UBR4: variants seen among roughly 807,000 people sequenced by gnomAD.
UBR4 encodes ubiquitin protein ligase E3 component n-recognin 4, also known as E3 ubiquitin-protein ligase UBR4.
In UBR4, 124 loss-of-function variants were observed where a neutral mutation model predicts 575.6. The observed-to-expected ratio is 0.22, with a 90% CI of 0.19 to 0.25. The LOEUF (loss-of-function observed/expected upper bound fraction) is 0.25. UBR4 is among the 10% of genes least tolerant of loss of function. UBR4 has a pLI of 1.00. For missense variants in UBR4, 4,818 were observed against 6,478.8 expected, an observed-to-expected ratio of 0.74 and a Z score of 8.80; for synonymous variants, 2,455 against 2,473.7, an observed-to-expected ratio of 0.99 and a Z score of 0.22.
At position 19,126,724 on chromosome 1, in the gene UBR4, G is replaced by T. The variant is rs114659186; in HGVS notation, c.9229-69C>A. The stretch of plus-strand genomic sequence containing the variant: ...AAAACAATGTGAAATCCAGGTGGGT[G>T]TTGGGGATGGGAAACACACTCACAA... On this transcript the variant is annotated intron_variant, in intron 63 of 105. Coordinates refer to ENST00000375254, the MANE Select transcript of UBR4 (RefSeq NM_020765.3). The T allele has an allele frequency of 8.7e-3, 13,245 of 1,528,746 alleles. 377 individuals are homozygous for T. The highest frequency in any genetic ancestry group is 0.078 in the East Asian group (3,444 of 44,128). The allele number at this position is 1,528,746 out of a possible 1,614,324, so 94.7% of individuals were successfully genotyped here.
At chr1:19,112,988 A>C (rs2080068449) in intron 77 of UBR4, 121 bp from the exon 78 acceptor site, 4 of 1,018,496 alleles carry the variant, frequency 3.9e-6, no homozygotes, top group Non-Finnish European at 5.6e-6. Context: ...TAATCTTCTC[A>C]ATAACCCAAC....
At chr1:19,182,674 G>C (rs2091111511) in intron 17 of UBR4, among the ~76,000 whole-genome samples, 1 of 152,172 alleles carries the variant, frequency 6.6e-6, no homozygotes, top group Non-Finnish European at 1.5e-5. Context: ...TGTAAGCGAA[G>C]TGGTATCTCA....
Position 19,153,456 on chromosome 1 carries a change from T to C in UBR4, c.6677A>G (p.Gln2226Arg), listed in dbSNP as rs2086011328. The C allele has an allele frequency of 6.2e-7, 1 of 1,614,198 alleles. No homozygotes were observed. The highest frequency in any genetic ancestry group is 1.7e-5 in the Admixed American group (1 of 60,032). Residue 2226 changes from glutamine to arginine, a missense_variant, in exon 46 of 106, where the codon CAG (glutamine) becomes CGG (arginine). Gln to Arg is a conservative substitution (Grantham distance 43, BLOSUM62 1). Around this residue, in one of 29 missense-constraint regions of UBR4, gnomAD observed 461 missense variants for 606.9 expected, o/e 0.76. Transcript: ENST00000375254. The surrounding 1 kb of genome is among the most constrained non-coding windows in gnomAD (Gnocchi z 4.1). ...AIRHTACNEQ[Q>R]RTTMILLCED... ...ACACAGCAGAATCATTGTTGTCCGC[T>C]GCTGCTCATTGCAGGCCGTGTGCCT...
chr1:19,134,275 A>T (rs1200970119), intron 60 of UBR4, among the ~76,000 whole-genome samples: 2 of 151,524 alleles, frequency 1.3e-5, no homozygotes, highest in Non-Finnish European at 2.9e-5. Flanking sequence ...AATAAATAAA[A>T]ATAAATAAAA....
intron 25 of UBR4, among the ~76,000 whole-genome samples, chr1:19,171,230 T>G (rs1557890724): frequency 6.6e-6 from 1 of 152,164 alleles, no homozygotes; most frequent in Admixed American, 6.5e-5. Flanking sequence ...AAAAAAACTG[T>G]TTATCCAACA....
Position 19,118,923 on chromosome 1 carries a change from A to T in UBR4, c.10490T>A (p.Leu3497Gln). Residue 3497 changes from leucine (L) to glutamine (Q), a missense_variant, in exon 71 of 106, where the codon CTG (leucine) becomes CAG (glutamine). This residue lies in a region of UBR4 where 550 missense variants were observed against 791.5 expected (regional missense o/e 0.69). Transcript: ENST00000375254. ...KEYSQKAVEI[L>Q]RTQNHILTNH... ...GGTAAGAATATGGTTTTGAGTCCGC[A>T]GAATCTCCACAGCCTTCTGTGAATA... The T allele has an allele frequency of 1.2e-6, 2 of 1,614,206 alleles. No individual in the cohort carries two copies. Among genetic ancestry groups the T allele is most frequent in the Non-Finnish European group, 1.7e-6 (2 of 1,180,030 alleles).
At chr1:19,168,001 C>G in intron 28 of UBR4, 26 bp downstream of exon 28, 1 of 1,589,406 alleles carries the variant, frequency 6.3e-7, no homozygotes, top group East Asian at 2.3e-5. Flanking sequence ...ACATAGAGTC[C>G]TTGGGGCTAG....
At position 19,119,689 on chromosome 1, in the gene UBR4, T is replaced by C. The variant is rs1473072378; in HGVS notation, c.10323A>G (p.Lys3441=). 5 of 1,610,188 alleles carry C rather than the reference T, an allele frequency of 3.1e-6. No individual in the cohort carries two copies. Among genetic ancestry groups the C allele is most frequent in the Non-Finnish European group, 3.4e-6 (4 of 1,176,886 alleles). ...GATCTAGCAGGAGCTCCTGTTGAGA[T>C]TTGCTGGAATTTCTGTGGATATATG... ...LTLHIYRNSS[K]SQQELLLDLM... The change falls in exon 70 of 106, where the codon AAA becomes AAG. Residue 3441 remains lysine (K), a synonymous_variant. Coordinates refer to ENST00000375254, the MANE Select transcript of UBR4 (RefSeq NM_020765.3).
Position 19,153,971 on chromosome 1 carries a change from T to A in UBR4, c.6459-32A>T, listed in dbSNP as rs1398106050. 1.2e-6 allele frequency: 2 copies of A among 1,605,230 alleles called. No homozygotes were observed. The highest frequency in any genetic ancestry group is 3.4e-5 in the Admixed American group (2 of 58,412). ...ACAACAAAACTGGCCACAGTTAGAG[T>A]GTCAGTCACCATTTAATAGTTCTTT... On this transcript the variant is annotated intron_variant, in intron 44 of 105. Coordinates refer to ENST00000375254, the MANE Select transcript of UBR4 (RefSeq NM_020765.3). The surrounding 1 kb of genome is among the most constrained non-coding windows in gnomAD (Gnocchi z 4.1).
chr1:19,161,061 A>T lies in UBR4; in HGVS notation c.5262T>A (p.Ser1754Arg). The stretch of plus-strand genomic sequence containing the variant: ...AGGAGGTGCTGGCATGACGCACTAG[A>T]CTCTCTGAAATCCTGGGTTCACTCT... ...AFQSEPRISE[S>R]LVRHASTSSP... Residue 1754 changes from serine to arginine, a missense_variant, in exon 38 of 106, where the codon AGT (serine) becomes AGA (arginine). Physicochemically the swap from Ser to Arg is moderately radical, Grantham distance 110 (BLOSUM62 -1). Around this residue, in one of 29 missense-constraint regions of UBR4, gnomAD observed 159 missense variants for 174.6 expected, o/e 0.91. Coordinates refer to ENST00000375254, the MANE Select transcript of UBR4 (RefSeq NM_020765.3). 1 of 1,613,942 alleles carries T rather than the reference A, an allele frequency of 6.2e-7. No individual in the cohort carries two copies. The highest frequency in any genetic ancestry group is 8.5e-7 in the Non-Finnish European group (1 of 1,179,970).
chr1:19,147,756 T>C (rs967825964), intron 51 of UBR4, among the ~76,000 whole-genome samples: 1 of 152,190 alleles, frequency 6.6e-6, no homozygotes, highest in Admixed American at 6.5e-5. Flanking sequence ...TTAAGTCTTG[T>C]TGATCCTGTT....
Position 19,198,561 on chromosome 1 carries a change from G to T in UBR4, c.628C>A (p.Pro210Thr), listed in dbSNP as rs2092591485. 3 of 1,614,026 alleles carry T rather than the reference G, an allele frequency of 1.9e-6. No homozygotes were observed. The highest frequency in any genetic ancestry group is 8.5e-7 in the Non-Finnish European group (1 of 1,180,038). Residue 210 changes from proline to threonine, a missense_variant, in exon 5 of 106, where the codon CCT (proline) becomes ACT (threonine). Physicochemically the swap from Pro to Thr is conservative, Grantham distance 38. Transcript: ENST00000375254. Reference sequence around the variant, plus strand: ...CTCACCAGAGTCTGTGTACTGATAGGTTGTGATGCTACAGTTCTAGGGTTA... The same window carrying T: ...CTCACCAGAGTCTGTGTACTGATAGTTTGTGATGCTACAGTTCTAGGGTTA... Reference protein sequence around the residue: ...VFNPRTVASQPISTQTLVEGE... With the variant: ...VFNPRTVASQTISTQTLVEGE...
intron 53 of UBR4, among the ~76,000 whole-genome samples, chr1:19,145,508 G>GACACACAC (rs555050832): frequency 0.016 from 2,345 of 145,092 alleles, 83 homozygotes; most frequent in African/African-American, 0.054. Context: ...AAACCACTGA[G>GACACACAC]ACACACACAC....
At chr1:19,118,511 T>G (rs1402703879) in intron 71 of UBR4, 2 of 209,022 alleles carry the variant, frequency 9.6e-6, no homozygotes, top group African/African-American at 2.3e-5. Context: ...CCCTCGAACT[T>G]CTGGCCCCAA....
Position 19,187,269 on chromosome 1 carries a change from C to CA in UBR4, c.1526dup (p.Leu509PhefsTer18). On this transcript the variant is annotated frameshift_variant, in exon 13 of 106. Coordinates refer to ENST00000375254, the MANE Select transcript of UBR4 (RefSeq NM_020765.3). LOFTEE classifies it high-confidence loss of function. ...TGGAGGTGCTCTGGGCCATAATGCTCAAGGCTGCAGGGGGGCCATCTGTCT... is the reference window on the plus strand; with the variant it reads ...TGGAGGTGCTCTGGGCCATAATGCTCAAAGGCTGCAGGGGGGCCATCTGTCT... The CA allele has an allele frequency of 6.2e-7, 1 of 1,613,876 alleles. No individual in the cohort carries two copies. The highest frequency in any genetic ancestry group is 8.5e-7 in the Non-Finnish European group (1 of 1,179,894).
chr1:19,169,382 A>G, intron 27 of UBR4, 53 bp downstream of exon 27: 1 of 1,507,964 alleles, frequency 6.6e-7, no homozygotes, highest in Non-Finnish European at 9.0e-7. Context: ...TAAGAACAAA[A>G]GACAGAATGG....
chr1:19,201,681 A>G, intron 2 of UBR4, 37 bp downstream of exon 2: 1 of 1,557,722 alleles, frequency 6.4e-7, no homozygotes, highest in Non-Finnish European at 8.8e-7. Context: ...CCTATTCACA[A>G]GCCCTCAGAA....
intron 8 of UBR4, among the ~76,000 whole-genome samples, chr1:19,194,727 G>C (rs1028635170): frequency 6.6e-6 from 1 of 152,066 alleles, no homozygotes; most frequent in Non-Finnish European, 1.5e-5. Context: ...ACTTGAACCT[G>C]GGGGGCAGAG....
At position 19,086,798 on chromosome 1, in the gene UBR4, A is replaced by G; in HGVS notation, c.14568T>C (p.Tyr4856=). 1 of 1,614,208 alleles carries G rather than the reference A, an allele frequency of 6.2e-7. No individual in the cohort carries two copies. The highest frequency in any genetic ancestry group is 2.2e-5 in the East Asian group (1 of 44,884). ...KFQPTKVLGI[Y]TFTKRVALEE... ...CCAAGGCTACCCGCTTCGTGAAGGT[A>G]TAAATGCCCAGGACCTTTGTGGGCT... The change falls in exon 100 of 106, where the codon TAT becomes TAC. Residue 4856 remains tyrosine, a synonymous_variant. Coordinates refer to ENST00000375254, the MANE Select transcript of UBR4 (RefSeq NM_020765.3).
Sources: allele counts gnomAD v4.1 joint callset (sites outside exome capture counted in the v4.1 genomes callset), GRCh38; gene constraint gnomAD v4.1.1; regional missense constraint gnomAD v4.1.1; non-coding constraint Gnocchi (gnomAD v3.1); transcripts MANE v1.5; gene names NCBI Gene and HGNC (gene_info 2026-07-23, HGNC 2026-07-21).